TPR: variants seen among roughly 807,000 people sequenced by gnomAD.
TPR encodes translocated promoter region, nuclear basket protein, also known as nucleoprotein TPR.
A neutral mutation model predicts 316.1 loss-of-function variants in TPR; 51 were observed. The ratio of observed to expected loss-of-function variants is 0.16; its 90% CI spans 0.13 to 0.20. The LOEUF (loss-of-function observed/expected upper bound fraction) is 0.20. TPR is among the 10% of genes least tolerant of loss of function. TPR has a pLI of 1.00. For missense variants in TPR, 2,272 were observed against 2,754.8 expected, an observed-to-expected ratio of 0.82 and a Z score of 3.92; for synonymous variants, 981 against 914.7, an observed-to-expected ratio of 1.07 and a Z score of -1.31.
At chr1:186,373,818 A>C (rs992920077) in intron 1 of TPR, among the ~76,000 whole-genome samples, 1 of 151,618 alleles carries the variant, frequency 6.6e-6, no homozygotes, top group South Asian at 2.1e-4. Context: ...TTGTTTAGAC[A>C]AAAAAAAACT....
At chr1:186,348,062 C>T (rs1658734482) in intron 21 of TPR, among the ~76,000 whole-genome samples, 1 of 152,162 alleles carries the variant, frequency 6.6e-6, no homozygotes, top group Admixed American at 6.5e-5. Flanking sequence ...AGAATAATAG[C>T]AATTTTTATG....
At chr1:186,321,207 G>A (rs1476542047) in intron 45 of TPR, among the ~76,000 whole-genome samples, 1 of 152,162 alleles carries the variant, frequency 6.6e-6, no homozygotes, top group African/African-American at 2.4e-5. Flanking sequence ...GTAAGAATGT[G>A]TTAGCCAAGG....
rs1419194361 is a variant in TPR, at chr1:186,375,060, G to A, written c.-32C>T. ...GGGGCCAGGGACCCCAGTGGCAGCG[G>A]CCGACGGGGTAGAAGCGGAGAAGAA... On this transcript the variant is annotated 5_prime_UTR_variant, in exon 1 of 51. Transcript: ENST00000367478. 5 of 1,613,588 alleles carry A rather than the reference G, an allele frequency of 3.1e-6. No individual in the cohort carries two copies. Among genetic ancestry groups the A allele is most frequent in the Non-Finnish European group, 4.2e-6 (5 of 1,179,910 alleles).
rs1006254566 is a variant in TPR at position 186,313,572 on chromosome 1, C to G, written c.*399G>C. On this transcript the variant is annotated 3_prime_UTR_variant, in exon 51 of 51. Transcript: ENST00000367478. ...TTCAAATTAATTAGTAAAAACATCT[C>G]TATTAAAATGATAAACATTGTCTTT... is the stretch of plus-strand genomic sequence containing the variant. 3 of 717,308 alleles carry G rather than the reference C, an allele frequency of 4.2e-6. No individual in the cohort carries two copies. Among genetic ancestry groups the G allele is most frequent in the Non-Finnish European group, 7.5e-6 (3 of 402,238 alleles). 44.4% of individuals were successfully genotyped at this position (717,308 alleles called of 1,614,324 possible). A position where few individuals can be genotyped will look rare whatever the true frequency, so the allele number is the denominator to read the frequency against.
chr1:186,370,949 AT>A lies in TPR; in HGVS notation c.330+20del, dbSNP rs750818388. 3 of 1,596,056 alleles carry A rather than the reference AT, an allele frequency of 1.9e-6. No individual in the cohort carries two copies. In the South Asian group the frequency reaches 3.3e-5, roughly 18 times the overall value. On this transcript the variant is annotated intron_variant, in intron 3 of 50. Coordinates refer to ENST00000367478, the MANE Select transcript of TPR (RefSeq NM_003292.3). ...CAAGTAAAATGTCTACAATGAGCTT[AT>A]TCTAAGAAATATCTCTTACCTGAAT...
chr1:186,339,422 T>C (rs1450431520), intron 30 of TPR, among the ~76,000 whole-genome samples: 1 of 151,640 alleles, frequency 6.6e-6, no homozygotes, highest in Non-Finnish European at 1.5e-5. Context: ...AAATAAAATA[T>C]AGAGAAATAA....
At chr1:186,360,039 C>T (rs371811363) in intron 11 of TPR, 43 bp from the exon 12 acceptor site, 66 of 1,567,714 alleles carry the variant, frequency 4.2e-5, no homozygotes, top group East Asian at 3.6e-4. Flanking sequence ...ACCATAACAA[C>T]GCAAATATTT....
At position 186,344,073 on chromosome 1, in the gene TPR, A is replaced by C; in HGVS notation, c.3435T>G (p.Cys1145Trp). Residue 1145 changes from cysteine to tryptophan, a missense_variant, in exon 26 of 51, where the codon TGT (cysteine) becomes TGG (tryptophan). Transcript: ENST00000367478. ...ERMLKDEVSK[C>W]VCRCEDLEKQ... ...TCTCCAGATCTTCACAGCGACATAC[A>C]CATTTGGAAACTTCATCCTGCAAGC... 1 of 1,613,020 alleles carries C rather than the reference A, an allele frequency of 6.2e-7. No homozygotes were observed. The highest frequency in any genetic ancestry group is 8.5e-7 in the Non-Finnish European group (1 of 1,179,646).
chr1:186,314,209 A>C (rs1315453704), intron 50 of TPR, 183 bp from the exon 51 acceptor site: 3 of 534,972 alleles, frequency 5.6e-6, no homozygotes, highest in Middle Eastern at 5.0e-4. Flanking sequence ...ACACAAGTAC[A>C]ATCTAAAAGT....
intron 13 of TPR, 126 bp from the exon 14 acceptor site, chr1:186,357,749 T>A: frequency 2.7e-6 from 2 of 740,868 alleles, no homozygotes; most frequent in Non-Finnish European, 4.2e-6. Context: ...TCAAATTATC[T>A]TTAAAAATAA....
intron 19 of TPR, 107 bp downstream of exon 19, chr1:186,351,869 T>A: frequency 7.8e-7 from 1 of 1,288,844 alleles, no homozygotes; most frequent in Non-Finnish European, 1.1e-6. Flanking sequence ...TCATAATGGA[T>A]GACAAAAGTG....
At chr1:186,323,554 C>A in intron 43 of TPR, 132 bp downstream of exon 43, 1 of 811,736 alleles carries the variant, frequency 1.2e-6, no homozygotes, top group Non-Finnish European at 1.7e-6. Flanking sequence ...AAAAATATGC[C>A]AAAATACCAA....
rs142344980 is a variant in TPR at position 186,365,196 on chromosome 1, T to C, written c.428-1751A>G. The stretch of plus-strand genomic sequence containing the variant: ...CTGCAACCTCTGCCTCCCTGGTTCA[T>C]GTGATTCTCATGACTCAGCCTCCTG... On this transcript the variant is annotated intron_variant, in intron 4 of 50. Coordinates refer to ENST00000367478, the MANE Select transcript of TPR (RefSeq NM_003292.3). Among the ~76,000 whole-genome samples the C allele has an allele frequency of 2.8e-3, 426 of 150,400 alleles. 1 individual carries two copies. The highest frequency in any genetic ancestry group is 9.8e-3 in the African/African-American group (402 of 41,082).
In TPR at chr1:186,322,261, A is replaced by G. The variant is rs970118517; in HGVS notation, c.6461+57T>C. The G allele has an allele frequency of 2.7e-6, 4 of 1,482,778 alleles. No individual in the cohort carries two copies. In the African/African-American group the frequency reaches 4.2e-5, roughly 16 times the overall value. The allele number at this position is 1,482,778 out of a possible 1,614,324, so 91.9% of individuals were successfully genotyped here. A position where few individuals can be genotyped will look rare whatever the true frequency, so the allele number is the denominator to read the frequency against. On this transcript the variant is annotated intron_variant, in intron 45 of 50. Coordinates refer to ENST00000367478, the MANE Select transcript of TPR (RefSeq NM_003292.3). Reference sequence around the variant, plus strand: ...TTAACCAAATGATAAACAAACTAACAGAGAAAGACTAAAAGTTTGATTAGT... The same window carrying G: ...TTAACCAAATGATAAACAAACTAACGGAGAAAGACTAAAAGTTTGATTAGT...
rs1435544826 is a variant in TPR, at chr1:186,327,190, T to TA, written c.5889+269dup. Among the ~76,000 whole-genome samples, 2 of 21,586 alleles carry TA rather than the reference T, an allele frequency of 9.3e-5. 1 individual carries two copies. Among genetic ancestry groups the TA allele is most frequent in the African/African-American group, 3.2e-4 (2 of 6,232 alleles). The allele number at this position is 21,586 out of a possible 152,430, so 14.2% of individuals were successfully genotyped here. ...CATATATATTATATATATAAATATA[T>TA]ATTATATATTTATATATATAATATA... is the stretch of plus-strand genomic sequence containing the variant. On this transcript the variant is annotated intron_variant, in intron 40 of 50. Transcript: ENST00000367478.
At chr1:186,343,278 C>CT in intron 27 of TPR, 48 bp downstream of exon 27, 1 of 1,573,258 alleles carries the variant, frequency 6.4e-7, no homozygotes, top group Non-Finnish European at 8.6e-7. Flanking sequence ...TAAATGAGTG[C>CT]TTCTCTTTTG....
In TPR at chr1:186,344,030, G is replaced by A; in HGVS notation, c.3478C>T (p.His1160Tyr). The A allele has an allele frequency of 1.2e-6, 2 of 1,614,108 alleles. No homozygotes were observed. Among genetic ancestry groups the A allele is most frequent in the South Asian group, 1.1e-5 (1 of 91,080 alleles). The change falls in exon 26 of 51, where the codon CAT becomes TAT. Residue 1160 changes from histidine (H) to tyrosine (Y), a missense_variant. His to Tyr is a moderately conservative substitution (Grantham distance 83, BLOSUM62 2). This residue lies in a region of TPR where 757 missense variants were observed against 859.8 expected (regional missense o/e 0.88). Coordinates refer to ENST00000367478, the MANE Select transcript of TPR (RefSeq NM_003292.3). ...TCACTTAATTTTTCGATCTGATCAT[G>A]AAGTAATCTGTTTTGTTTCTCCAGA... ...EDLEKQNRLL[H>Y]DQIEKLSDKV...
At chr1:186,331,955 T>C (rs1229975903) in intron 38 of TPR, among the ~76,000 whole-genome samples, 1 of 152,154 alleles carries the variant, frequency 6.6e-6, no homozygotes, top group Non-Finnish European at 1.5e-5. Flanking sequence ...ACTTATGTTT[T>C]TATGACTGAG....
chr1:186,373,596 G>T, intron 1 of TPR, 133 bp from the exon 2 acceptor site: 2 of 501,184 alleles, frequency 4.0e-6, no homozygotes, highest in African/African-American at 1.9e-5. Flanking sequence ...CCACATAAGA[G>T]AATCTGAGTA....
Sources: allele counts gnomAD v4.1 joint callset (sites outside exome capture counted in the v4.1 genomes callset), GRCh38; gene constraint gnomAD v4.1.1; regional missense constraint gnomAD v4.1.1; transcripts MANE v1.5; gene names NCBI Gene and HGNC (gene_info 2026-07-23, HGNC 2026-07-21).